The following KDM3B variants were observed in gnomAD, a reference collection of about 807,000 sequenced individuals.
The protein encoded by KDM3B is lysine-specific demethylase 3B.
A neutral mutation model predicts 170.0 loss-of-function variants in KDM3B; 10 were observed. That is an observed-to-expected ratio of 0.06 (90% CI 0.04 to 0.10). The LOEUF (loss-of-function observed/expected upper bound fraction) is 0.10. Ranked by LOEUF, KDM3B falls within the 10% of genes least tolerant of loss-of-function variation. KDM3B has a pLI of 1.00. For missense variants in KDM3B, 1,394 were observed against 2,195.2 expected (o/e 0.64, Z 7.29); for synonymous variants, 831 against 834.8 (o/e 1.00, Z 0.08).
chr5:138,356,166 A>G (rs888101862), intron 1 of KDM3B, among the ~76,000 whole-genome samples: 2 of 152,254 alleles, frequency 1.3e-5, no homozygotes, highest in Non-Finnish European at 2.9e-5. Context: ...TTTTGGCAGT[A>G]TAGACAATGC....
intron 2 of KDM3B, among the ~76,000 whole-genome samples, chr5:138,373,156 A>G (rs1761915320): frequency 6.6e-6 from 1 of 152,114 alleles, no homozygotes. Flanking sequence ...CCTGGGTAAC[A>G]TGCCAAAACC....
intron 1 of KDM3B, among the ~76,000 whole-genome samples, chr5:138,357,011 G>A (rs967437240): frequency 1.3e-5 from 2 of 149,794 alleles, no homozygotes; most frequent in African/African-American, 4.9e-5. Flanking sequence ...CAGAATTATC[G>A]GGCCTCTTTT....
intron 9 of KDM3B, 176 bp from the exon 10 acceptor site, chr5:138,398,002 T>G: frequency 1.8e-6 from 1 of 563,788 alleles, no homozygotes; most frequent in South Asian, 2.4e-5. Flanking sequence ...ACCTACTAAA[T>G]GTTATGTTAA....
chr5:138,426,876 A>G (rs1034773161), intron 17 of KDM3B, 99 bp from the exon 18 acceptor site: 8 of 738,328 alleles, frequency 1.1e-5, no homozygotes, highest in African/African-American at 9.1e-5. Context: ...AAAAAAAAAA[A>G]AAAAGAAAAA....
intron 20 of KDM3B, 82 bp downstream of exon 20, chr5:138,428,168 A>T: frequency 5.5e-6 from 7 of 1,271,116 alleles, no homozygotes; most frequent in East Asian, 2.6e-5. Context: ...CCTTAGGGCC[A>T]GTGGCTTTTC....
intron 16 of KDM3B, among the ~76,000 whole-genome samples, chr5:138,425,030 G>C (rs1011595462): frequency 1.3e-5 from 2 of 152,194 alleles, no homozygotes; most frequent in Non-Finnish European, 2.9e-5. Flanking sequence ...TTTTTTGATA[G>C]TGTGATAACA....
chr5:138,400,105 A>C, intron 11 of KDM3B, 93 bp downstream of exon 11: 1 of 1,282,072 alleles, frequency 7.8e-7, no homozygotes, highest in South Asian at 1.4e-5. Context: ...GAATGGGCTT[A>C]TGCCTCTCTT....
intron 23 of KDM3B, among the ~76,000 whole-genome samples, chr5:138,433,896 C>T (rs1167328307): frequency 1.3e-5 from 2 of 151,122 alleles, no homozygotes; most frequent in African/African-American, 4.9e-5. Flanking sequence ...CGTGTCATCA[C>T]ACCGAGCTAA....
intron 23 of KDM3B, among the ~76,000 whole-genome samples, chr5:138,435,362 G>C (rs1447063275): frequency 6.6e-6 from 1 of 152,220 alleles, no homozygotes; most frequent in Non-Finnish European, 1.5e-5. Flanking sequence ...CACATAAAGA[G>C]CTCAGCAGCA....
intron 7 of KDM3B, among the ~76,000 whole-genome samples, chr5:138,387,881 A>C (rs1762316095): frequency 6.6e-6 from 1 of 152,114 alleles, no homozygotes; most frequent in East Asian, 1.9e-4. Flanking sequence ...GGAGATCAAG[A>C]CCATCCTGGC....
At chr5:138,368,002 G>A (rs1277482356) in intron 1 of KDM3B, among the ~76,000 whole-genome samples, 2 of 147,642 alleles carry the variant, frequency 1.4e-5, no homozygotes, top group Non-Finnish European at 3.0e-5. Context: ...AACAGAGTGA[G>A]ACTCCATCTC....
intron 13 of KDM3B, 81 bp from the exon 14 acceptor site, chr5:138,418,872 T>G (rs748956129): frequency 9.5e-5 from 123 of 1,289,028 alleles, no homozygotes; most frequent in Non-Finnish European, 1.3e-4. Context: ...CCAGACCTAT[T>G]TAGTATGTGA....
At chr5:138,356,636 CTTTTTTT>C (rs539401228) in intron 1 of KDM3B, among the ~76,000 whole-genome samples, 2 of 85,994 alleles carry the variant, frequency 2.3e-5, no homozygotes, top group Non-Finnish European at 2.2e-5. Flanking sequence ...TGTCTCTTGA[CTTTTTTT>C]TTTTTTTTTT....
chr5:138,359,592 C>T (rs921751884), intron 1 of KDM3B, among the ~76,000 whole-genome samples: 2 of 151,868 alleles, frequency 1.3e-5, no homozygotes, highest in South Asian at 2.1e-4. Flanking sequence ...CAGGCATGAG[C>T]CACTGCACTT....
intron 13 of KDM3B, 76 bp downstream of exon 13, chr5:138,417,686 T>A: frequency 6.8e-7 from 1 of 1,462,880 alleles, no homozygotes; most frequent in South Asian, 1.2e-5. Flanking sequence ...TTTTCAACTC[T>A]GTTATGCCAG....
rs115716626 is a variant in KDM3B, at chr5:138,415,911, C to T, written c.3307+672C>T. Among the ~76,000 whole-genome samples the T allele has an allele frequency of 4.1e-3, 625 of 152,214 alleles. 1 individual carries two copies. Among genetic ancestry groups the T allele is most frequent in the Non-Finnish European group, 6.8e-3 (460 of 68,014 alleles). Reference sequence around the variant, plus strand: ...GCCAGTGCCTAGGCTTTCAGAAAGACTTCTGGTTTTAGGCTTGTAAAACAG... The same window carrying T: ...GCCAGTGCCTAGGCTTTCAGAAAGATTTCTGGTTTTAGGCTTGTAAAACAG... On this transcript the variant is annotated intron_variant, in intron 12 of 23. Coordinates refer to ENST00000314358, the MANE Select transcript of KDM3B (RefSeq NM_016604.4).
chr5:138,420,667 T>C, intron 14 of KDM3B, 39 bp from the exon 15 acceptor site: 1 of 1,609,062 alleles, frequency 6.2e-7, no homozygotes, highest in Non-Finnish European at 8.5e-7. Context: ...TGATTATTCC[T>C]TTTTGTACCT....
intron 23 of KDM3B, among the ~76,000 whole-genome samples, chr5:138,433,090 C>CT (rs537305497): frequency 6.7e-5 from 10 of 149,872 alleles, no homozygotes; most frequent in African/African-American, 2.5e-4. Context: ...ACCTTCAACT[C>CT]TGAGTCTGAT....
intron 1 of KDM3B, among the ~76,000 whole-genome samples, chr5:138,360,499 A>G (rs1211859139): frequency 1.4e-5 from 2 of 147,148 alleles, no homozygotes; most frequent in Non-Finnish European, 3.0e-5. Flanking sequence ...AGCACTTTGT[A>G]TAGTTGATTT....
Sources: allele counts gnomAD v4.1 joint callset (sites outside exome capture counted in the v4.1 genomes callset), GRCh38; gene constraint gnomAD v4.1.1; transcripts MANE v1.5; gene names NCBI Gene and HGNC (gene_info 2026-07-23, HGNC 2026-07-21).